The following TUSC3 variants were observed in gnomAD, a reference collection of about 807,000 sequenced individuals.
TUSC3 encodes tumor suppressor candidate 3.
In TUSC3, 45 loss-of-function variants were observed where a neutral mutation model predicts 44.8. That is an observed-to-expected ratio of 1.00 (90% CI 0.79 to 1.29). TUSC3 has a LOEUF of 1.29. Among genes scored for constraint, TUSC3 ranks in the 50% most tolerant of loss-of-function variants. The probability of loss-of-function intolerance (pLI) is 0.00; values close to 1 mark genes in which losing one functional copy is unlikely to be tolerated. For missense variants in TUSC3, 519 were observed against 437.9 expected (o/e 1.19, Z -1.65); for synonymous variants, 212 against 152.9 (o/e 1.39, Z -2.85).
chr8:15,722,256 T>G (rs1320790013), intron 6 of TUSC3, among the ~76,000 whole-genome samples: 1 of 151,384 alleles, frequency 6.6e-6, no homozygotes, highest in Admixed American at 6.6e-5. Context: ...TTTCTTTTTT[T>G]TTTTTTTCCT....
intron 1 of TUSC3, among the ~76,000 whole-genome samples, chr8:15,457,406 T>C (rs1262400825): frequency 6.6e-6 from 1 of 151,812 alleles, no homozygotes; most frequent in Non-Finnish European, 1.5e-5. Context: ...TCATATGTGA[T>C]TGGTAAAATA....
chr8:15,650,864 A>G (rs754121474), intron 3 of TUSC3, 50 bp downstream of exon 3: 7 of 1,572,314 alleles, frequency 4.5e-6, no homozygotes, highest in African/African-American at 4.1e-5. Flanking sequence ...TTTGTGGTCG[A>G]TACATTTTTG....
rs571358451 is a variant in TUSC3 at position 15,595,570 on chromosome 8, TTTTG to T, written c.139-27494_139-27491del. 2.3e-3 allele frequency among the ~76,000 whole-genome samples: 348 copies of T among 152,286 alleles called. 2 individuals are homozygous for T. The highest frequency in any genetic ancestry group is 0.012 in the Admixed American group (176 of 15,280). On this transcript the variant is annotated intron_variant, in intron 1 of 10. Transcript: ENST00000503731. Reference sequence around the variant, plus strand: ...AAACTGTTACATATGTTTTGTTTCCTTTTGTTTGTTTGTTTGTTTCAGGCGGGTG... The same window carrying T: ...AAACTGTTACATATGTTTTGTTTCCTTTTGTTTGTTTGTTTCAGGCGGGTG...
intron 1 of TUSC3, among the ~76,000 whole-genome samples, chr8:15,454,539 T>G (rs1010421336): frequency 6.6e-6 from 1 of 152,216 alleles, no homozygotes; most frequent in African/African-American, 2.4e-5. Flanking sequence ...TTCCAACTAG[T>G]TTCCAGCTCG....
chr8:15,634,308 C>G (rs1395072972), intron 2 of TUSC3, among the ~76,000 whole-genome samples: 1 of 152,170 alleles, frequency 6.6e-6, no homozygotes, highest in African/African-American at 2.4e-5. Context: ...GTTCCTCCAA[C>G]TCAGTTTGAT....
chr8:15,523,888 T>G (rs992180007), intron 2 of TUSC3, among the ~76,000 whole-genome samples: 1 of 151,330 alleles, frequency 6.6e-6, no homozygotes, highest in African/African-American at 2.4e-5. Flanking sequence ...AAACCCCGTG[T>G]CTACTAGCAA....
intron 1 of TUSC3, among the ~76,000 whole-genome samples, chr8:15,423,197 G>T (rs910809264): frequency 6.6e-6 from 1 of 152,120 alleles, no homozygotes; most frequent in African/African-American, 2.4e-5. Flanking sequence ...CACAGGTTCA[G>T]TGCATACATG....
the TUSC3 span, among the ~76,000 whole-genome samples, chr8:15,842,605 T>G: frequency 6.6e-6 from 1 of 152,142 alleles, no homozygotes; most frequent in Non-Finnish European, 1.5e-5. Flanking sequence ...AAGCAAGATT[T>G]GTACACAGGA....
chr8:15,453,296 T>C (rs1800216873), intron 1 of TUSC3, among the ~76,000 whole-genome samples: 1 of 152,172 alleles, frequency 6.6e-6, no homozygotes, highest in Non-Finnish European at 1.5e-5. Context: ...ATGAAAGCAA[T>C]AAACTCTTCT....
chr8:15,590,169 A>C (rs546167034), intron 1 of TUSC3, among the ~76,000 whole-genome samples: 1 of 152,190 alleles, frequency 6.6e-6, no homozygotes, highest in Non-Finnish European at 1.5e-5. Context: ...GATAATTCCA[A>C]TGTACAGCCT....
rs577241040 is a variant in TUSC3 at position 15,437,733 on chromosome 8, G to T, written n.91+20428G>T. Among the ~76,000 whole-genome samples the T allele has an allele frequency of 2.0e-5, 3 of 152,254 alleles. No individual in the cohort carries two copies. In the East Asian group the frequency reaches 5.8e-4, roughly 29 times the overall value. ...TCCAGCTGCACCCTTTGGAAGCACT[G>T]GAAAGTAGAAATATTGTTTGCTCAT... On this transcript the variant is annotated intron_variant and non_coding_transcript_variant, in intron 1 of 5. Coordinates refer to the TUSC3 transcript ENST00000503191.
the TUSC3 span, among the ~76,000 whole-genome samples, chr8:15,849,186 G>A: frequency 6.6e-6 from 1 of 152,056 alleles, no homozygotes; most frequent in African/African-American, 2.4e-5. Context: ...ATAATGTAAC[G>A]TATTCCACTT....
chr8:15,633,273 T>G (rs1278931554), intron 2 of TUSC3, among the ~76,000 whole-genome samples: 2 of 152,136 alleles, frequency 1.3e-5, no homozygotes, highest in Non-Finnish European at 2.9e-5. Context: ...CACAAAGAAG[T>G]CGTCTAGGGT....
At chr8:15,590,558 T>A (rs1169305408) in intron 1 of TUSC3, among the ~76,000 whole-genome samples, 2 of 152,148 alleles carry the variant, frequency 1.3e-5, no homozygotes, top group East Asian at 3.8e-4. Flanking sequence ...GGTTCTAGAA[T>A]AGAAGGAATT....
At chr8:15,722,396 A>G (rs543934525) in intron 6 of TUSC3, among the ~76,000 whole-genome samples, 1 of 152,164 alleles carries the variant, frequency 6.6e-6, no homozygotes, top group African/African-American at 2.4e-5. Flanking sequence ...AATAAGACCA[A>G]GCATGGGGTC....
chr8:15,588,262 T>G (rs1442979945), intron 1 of TUSC3, among the ~76,000 whole-genome samples: 1 of 152,184 alleles, frequency 6.6e-6, no homozygotes, highest in East Asian at 1.9e-4. Flanking sequence ...CATTCTGGGA[T>G]TAGATGTTAT....
At chr8:15,723,662 A>G (rs1398215239) in intron 6 of TUSC3, among the ~76,000 whole-genome samples, 1 of 152,146 alleles carries the variant, frequency 6.6e-6, no homozygotes, top group Non-Finnish European at 1.5e-5. Context: ...GACTACAAAC[A>G]TGTAACTAGT....
chr8:15,521,249 G>C (rs2129129414), intron 2 of TUSC3, among the ~76,000 whole-genome samples: 1 of 152,206 alleles, frequency 6.6e-6, no homozygotes, highest in Admixed American at 6.5e-5. Context: ...TGAGTTCTTA[G>C]GGACGCTTGA....
chr8:15,534,809 G>A (rs894678956), intron 2 of TUSC3, among the ~76,000 whole-genome samples: 4 of 152,134 alleles, frequency 2.6e-5, no homozygotes, highest in African/African-American at 9.7e-5. Flanking sequence ...GTAAAGTGAC[G>A]TACAGGAATC....
Sources: gnomAD v4.1 joint callset for allele counts (sites outside exome capture counted in the v4.1 genomes callset) on GRCh38, gnomAD v4.1.1 for gene constraint, MANE v1.5 for transcripts, NCBI Gene and HGNC (gene_info 2026-07-23, HGNC 2026-07-21) for gene names.